The following CFAP47 variants were observed in gnomAD, a reference collection of about 807,000 sequenced individuals.
CFAP47 encodes cilia- and flagella-associated protein 47.
Under a neutral mutation model 148.1 loss-of-function variants are expected in CFAP47, and 29 were observed. That is an observed-to-expected ratio of 0.20 (90% CI 0.15 to 0.27). The LOEUF (loss-of-function observed/expected upper bound fraction) is 0.27, where lower values mean the gene tolerates loss of function less well. CFAP47 is among the 10% of genes least tolerant of loss of function. The pLI is 1.00. For missense variants in CFAP47, 1,872 were observed against 1,697.5 expected (o/e 1.10, Z -1.81); for synonymous variants, 664 against 577.3 (o/e 1.15, Z -2.15).
At chrX:36,031,942 G>A (rs1249093328) in intron 23 of CFAP47, among the ~76,000 whole-genome samples, 1 of 110,294 alleles carries the variant, frequency 9.1e-6, no homozygotes, top group Non-Finnish European at 1.9e-5. Flanking sequence ...TTATAGCATT[G>A]AAGAAAAATT....
chrX:36,359,774 G>T (rs781974401), intron 60 of CFAP47, among the ~76,000 whole-genome samples: 2 of 110,735 alleles, frequency 1.8e-5, no homozygotes, highest in Non-Finnish European at 3.8e-5. Context: ...TTTTTGAGAC[G>T]GAATCTCGCT....
chrX:36,087,333 T>C (rs1230261496), intron 30 of CFAP47, among the ~76,000 whole-genome samples: 3 of 112,278 alleles, frequency 2.7e-5, no homozygotes, highest in African/African-American at 9.7e-5. Flanking sequence ...TAGGTGGGGG[T>C]GAAATTTTGC....
At chrX:36,227,341 A>G (rs1430521324) in intron 45 of CFAP47, among the ~76,000 whole-genome samples, 2 of 111,825 alleles carry the variant, frequency 1.8e-5, no homozygotes, top group African/African-American at 6.5e-5. Context: ...GCATGTTTTA[A>G]TATGTACTAT....
At chrX:36,317,228 C>T (rs1478092796) in intron 56 of CFAP47, among the ~76,000 whole-genome samples, 3 of 111,216 alleles carry the variant, frequency 2.7e-5, no homozygotes, top group African/African-American at 9.8e-5. Context: ...TCAGGATAAG[C>T]ATGGTTTTAT....
chrX:35,958,815 CT>C (rs754206041), intron 8 of CFAP47, among the ~76,000 whole-genome samples: 1 of 112,178 alleles, frequency 8.9e-6, no homozygotes, highest in Admixed American at 9.5e-5. Flanking sequence ...GAAATTAAGA[CT>C]GTTAATCAAC....
intron 42 of CFAP47, among the ~76,000 whole-genome samples, chrX:36,191,827 A>G (rs1229951215): frequency 9.1e-6 from 1 of 110,116 alleles, no homozygotes; most frequent in Non-Finnish European, 1.9e-5. Context: ...TACTATCAAT[A>G]CAAAAATCAG....
chrX:36,195,281 C>G (rs868986100), intron 42 of CFAP47, among the ~76,000 whole-genome samples: 4 of 111,855 alleles, frequency 3.6e-5, no homozygotes, highest in Non-Finnish European at 7.5e-5. Context: ...AACAAAGAGA[C>G]TGGGCAGGAG....
At chrX:36,106,602 G>C (rs1277605391) in intron 33 of CFAP47, among the ~76,000 whole-genome samples, 2 of 111,579 alleles carry the variant, frequency 1.8e-5, no homozygotes, top group Non-Finnish European at 3.8e-5. Flanking sequence ...GCACAAAAGA[G>C]ATAAACTCCC....
intron 22 of CFAP47, among the ~76,000 whole-genome samples, chrX:36,021,677 C>T (rs1937160941): frequency 9.9e-6 from 1 of 101,137 alleles, no homozygotes; most frequent in African/African-American, 3.6e-5. Flanking sequence ...TTCCCCCCAC[C>T]CCCCGACAGG....
chrX:36,160,501 C>G (rs773816377), intron 38 of CFAP47, among the ~76,000 whole-genome samples, 180 bp from the exon 39 acceptor site: 1 of 111,374 alleles, frequency 9.0e-6, no homozygotes, highest in South Asian at 3.7e-4. Flanking sequence ...GTAAAATAAT[C>G]TTTCTGAAAT....
chrX:36,202,463 A>G (rs1467906138), intron 44 of CFAP47, among the ~76,000 whole-genome samples: 3 of 111,339 alleles, frequency 2.7e-5, no homozygotes, highest in South Asian at 7.6e-4. Flanking sequence ...CCCTCAGCAC[A>G]TGCCTGGTTG....
At chrX:36,189,974 G>A (rs1939848430) in intron 41 of CFAP47, 77 bp from the exon 42 acceptor site, 1 of 290,357 alleles carries the variant, frequency 3.4e-6, no homozygotes. Context: ...AACATTTTTT[G>A]ATACCAAAAC....
intron 46 of CFAP47, among the ~76,000 whole-genome samples, chrX:36,229,475 GT>G (rs1940312260): frequency 9.0e-6 from 1 of 111,237 alleles, no homozygotes; most frequent in Admixed American, 9.6e-5. Flanking sequence ...TAATTAGTAA[GT>G]GAGACAAAGG....
intron 33 of CFAP47, among the ~76,000 whole-genome samples, chrX:36,137,102 T>A (rs1175341934): frequency 9.0e-6 from 1 of 111,062 alleles, no homozygotes; most frequent in Non-Finnish European, 1.9e-5. Context: ...AATCCCGGTT[T>A]TGAAGCTAAT....
At chrX:36,278,592 C>T (rs1445758116) in intron 49 of CFAP47, among the ~76,000 whole-genome samples, 2 of 112,157 alleles carry the variant, frequency 1.8e-5, no homozygotes, top group Non-Finnish European at 3.8e-5. Context: ...CCTCTGTGGG[C>T]TGCACTCACT....
chrX:36,246,782 G>T lies in CFAP47; in HGVS notation c.7333-4551G>T, dbSNP rs782631519. Among the ~76,000 whole-genome samples the T allele has an allele frequency of 5.4e-5, 6 of 111,772 alleles. No homozygotes were observed. The South Asian group carries it at 2.2e-3, about 42-fold the overall frequency. On this transcript the variant is annotated intron_variant, in intron 48 of 63. Transcript: ENST00000378653. ...ATTAAAAAGTCAAATAATAACAGAT[G>T]TTGGAGTGGCTGAGAGAAAAGGGAA...
intron 33 of CFAP47, among the ~76,000 whole-genome samples, chrX:36,115,195 G>A (rs1011509187): frequency 2.7e-5 from 3 of 111,131 alleles, no homozygotes; most frequent in African/African-American, 9.8e-5. Context: ...TTTGTCATAT[G>A]GTTTTCACAT....
At chrX:36,105,326 C>T (rs1057345554) in intron 33 of CFAP47, among the ~76,000 whole-genome samples, 12 of 111,640 alleles carry the variant, frequency 1.1e-4, no homozygotes, top group Admixed American at 7.6e-4. Context: ...AAGGACAGTG[C>T]GCATGGCCAT....
intron 32 of CFAP47, among the ~76,000 whole-genome samples, chrX:36,104,141 G>T (rs1938427592): frequency 8.9e-6 from 1 of 112,012 alleles, no homozygotes; most frequent in South Asian, 3.7e-4. Flanking sequence ...TTTCTAAGCT[G>T]CATGAGCTGG....
Sources: gnomAD v4.1 joint callset for allele counts (sites outside exome capture counted in the v4.1 genomes callset) on GRCh38, gnomAD v4.1.1 for gene constraint, MANE v1.5 for transcripts, NCBI Gene and HGNC (gene_info 2026-07-23, HGNC 2026-07-21) for gene names.